Variants in PDE3B observed in about 807,000 individuals in gnomAD.
PDE3B encodes the protein cGMP-inhibited 3',5'-cyclic phosphodiesterase 3B.
A neutral mutation model predicts 116.8 loss-of-function variants in PDE3B; 66 were observed. That is an observed-to-expected ratio of 0.56 (90% CI 0.46 to 0.69). The LOEUF is 0.69. Ranked by LOEUF, PDE3B falls within the 30% of genes least tolerant of loss-of-function variation. The probability of loss-of-function intolerance (pLI) is 0.00; values close to 1 mark genes in which losing one functional copy is unlikely to be tolerated. For missense variants in PDE3B, 1,384 were observed against 1,368.1 expected, an observed-to-expected ratio of 1.01 and a Z score of -0.18; for synonymous variants, 595 against 533.6, an observed-to-expected ratio of 1.12 and a Z score of -1.59.
At chr11:14,787,298 C>CGTAA (rs761168198) in intron 3 of PDE3B, among the ~76,000 whole-genome samples, 119 of 151,874 alleles carry the variant, frequency 7.8e-4, no homozygotes, top group African/African-American at 2.3e-3. Context: ...GTTCAGAGTG[C>CGTAA]TTTTACTTGT....
intron 1 of PDE3B, among the ~76,000 whole-genome samples, chr11:14,680,497 T>A (rs1314142258): frequency 6.6e-6 from 1 of 152,168 alleles, no homozygotes; most frequent in Non-Finnish European, 1.5e-5. Context: ...GATTAACTAC[T>A]GGGGCAAACA....
intron 1 of PDE3B, among the ~76,000 whole-genome samples, chr11:14,743,193 G>A (rs1746356413): frequency 6.6e-6 from 1 of 152,100 alleles, no homozygotes; most frequent in South Asian, 2.1e-4. Context: ...TGGTCCCAGG[G>A]AGATGGGAGT....
chr11:14,848,240 C>G (rs1320874253), intron 12 of PDE3B, among the ~76,000 whole-genome samples: 42 of 140,076 alleles, frequency 3.0e-4, no homozygotes, highest in African/African-American at 1.1e-3. Context: ...ACAAAAACCA[C>G]ATGATTATCT....
chr11:14,856,302 T>TATA (rs1413116265), intron 12 of PDE3B, among the ~76,000 whole-genome samples: 2 of 152,208 alleles, frequency 1.3e-5, no homozygotes, highest in African/African-American at 4.8e-5. Context: ...CTCTTTTGTT[T>TATA]ATAAATTACC....
At chr11:14,758,748 A>C (rs1857268370) in intron 1 of PDE3B, among the ~76,000 whole-genome samples, 1 of 151,790 alleles carries the variant, frequency 6.6e-6, no homozygotes. Flanking sequence ...TGTCGTCTGC[A>C]AACAGGGACA....
At chr11:14,816,302 A>C (rs1859330364) in intron 5 of PDE3B, among the ~76,000 whole-genome samples, 2 of 152,258 alleles carry the variant, frequency 1.3e-5, no homozygotes. Flanking sequence ...ACAACTGAGC[A>C]CCATAACCAA....
chr11:14,874,136 C>T (rs535273261), downstream of PDE3B, among the ~76,000 whole-genome samples: 4 of 152,278 alleles, frequency 2.6e-5, no homozygotes, highest in East Asian at 7.7e-4. Context: ...TTTAGAATTA[C>T]AAAGTGCACT....
chr11:14,895,009 A>G, the PDE3B span, among the ~76,000 whole-genome samples: 1 of 152,232 alleles, frequency 6.6e-6, no homozygotes, highest in East Asian at 1.9e-4. Context: ...TAATGGTTCT[A>G]ACAGAGAACA....
At chr11:14,772,478 C>T (rs1857673385) in intron 2 of PDE3B, 1 of 152,144 alleles carries the variant, frequency 6.6e-6, no homozygotes. Context: ...GCTCAATTTT[C>T]AGAAGTTAAA....
intron 1 of PDE3B, among the ~76,000 whole-genome samples, chr11:14,731,796 T>G (rs1215617402): frequency 6.6e-6 from 1 of 152,184 alleles, no homozygotes; most frequent in South Asian, 2.1e-4. Context: ...GAGCGCCTAG[T>G]GTGTTCTGTG....
At chr11:14,891,746 A>G in the PDE3B span, 5 of 1,351,536 alleles carry the variant, frequency 3.7e-6, no homozygotes, top group African/African-American at 6.0e-5. Flanking sequence ...ATCGCCTCGG[A>G]GCCTCGGCCC....
intron 1 of PDE3B, among the ~76,000 whole-genome samples, chr11:14,684,451 C>T (rs1818397240): frequency 4.6e-5 from 7 of 152,186 alleles, no homozygotes; most frequent in Admixed American, 4.6e-4. Flanking sequence ...ACAAAGATCA[C>T]ATGCTTCTGA....
chr11:14,851,077 C>T (rs1035697925), intron 12 of PDE3B, among the ~76,000 whole-genome samples: 3 of 151,474 alleles, frequency 2.0e-5, no homozygotes, highest in Non-Finnish European at 4.4e-5. Flanking sequence ...TCTGCCTTGG[C>T]CTCCCAAAGT....
chr11:14,768,929 T>A (rs993673313), intron 1 of PDE3B, among the ~76,000 whole-genome samples: 2 of 151,546 alleles, frequency 1.3e-5, no homozygotes, highest in Non-Finnish European at 3.0e-5. Context: ...TGGAGAAAAT[T>A]GTTTTCTCAA....
At chr11:14,846,368 C>G (rs1448772401) in intron 12 of PDE3B, among the ~76,000 whole-genome samples, 1 of 152,162 alleles carries the variant, frequency 6.6e-6, no homozygotes, top group African/African-American at 2.4e-5. Flanking sequence ...ACAACTGGTA[C>G]CAGCCACTGC....
intron 1 of PDE3B, among the ~76,000 whole-genome samples, chr11:14,648,429 G>A (rs1038637424): frequency 6.6e-6 from 1 of 151,988 alleles, no homozygotes; most frequent in African/African-American, 2.4e-5. Flanking sequence ...ACTCACCTAA[G>A]GAATTTGCAA....
intron 1 of PDE3B, among the ~76,000 whole-genome samples, 184 bp from the exon 2 acceptor site, chr11:14,771,753 T>A (rs2133897993): frequency 6.6e-6 from 1 of 151,886 alleles, no homozygotes; most frequent in African/African-American, 2.4e-5. Context: ...ATTCTTTTGA[T>A]TTCTCAATTA....
the PDE3B span, among the ~76,000 whole-genome samples, chr11:14,890,086 G>A: frequency 6.6e-6 from 1 of 152,044 alleles, no homozygotes; most frequent in African/African-American, 2.4e-5. Context: ...CCGAGATGGC[G>A]TCACTGCACT....
intron 1 of PDE3B, chr11:14,674,399 A>G: frequency 2.9e-6 from 2 of 678,998 alleles, no homozygotes; most frequent in South Asian, 1.4e-5. Context: ...CACTCATCCC[A>G]ATTTTTATTC....
Sources: gnomAD v4.1 joint callset for allele counts (sites outside exome capture counted in the v4.1 genomes callset) on GRCh38, gnomAD v4.1.1 for gene constraint, MANE v1.5 for transcripts, NCBI Gene and HGNC (gene_info 2026-07-23, HGNC 2026-07-21) for gene names.